RARB: variants seen among roughly 807,000 people sequenced by gnomAD.
The protein encoded by RARB is retinoic acid receptor beta, also known as HBV-activated protein.
Under a neutral mutation model 51.9 loss-of-function variants are expected in RARB, and 17 were observed. That is an observed-to-expected ratio of 0.33 (90% CI 0.22 to 0.49). The LOEUF (loss-of-function observed/expected upper bound fraction) is 0.49, where lower values mean the gene tolerates loss of function less well. RARB is among the 20% of genes least tolerant of loss of function. The pLI is 0.99. For missense variants in RARB, 369 were observed against 550.8 expected, an observed-to-expected ratio of 0.67 and a Z score of 3.30; for synonymous variants, 215 against 195.4, an observed-to-expected ratio of 1.10 and a Z score of -0.84.
intron 2 of RARB, among the ~76,000 whole-genome samples, chr3:24,871,910 C>T (rs535064250): frequency 5.5e-4 from 84 of 152,152 alleles, no homozygotes; most frequent in Middle Eastern, 3.4e-3. Context: ...AAAATAGATG[C>T]GGAATCTTAT....
intron 3 of RARB, among the ~76,000 whole-genome samples, chr3:25,084,513 A>C (rs1699069637): frequency 7.1e-6 from 1 of 140,098 alleles, no homozygotes; most frequent in African/African-American, 2.7e-5. Context: ...TGATATCATC[A>C]ATACGTATTG....
intron 5 of RARB, among the ~76,000 whole-genome samples, chr3:25,376,234 A>G (rs1285965013): frequency 6.6e-6 from 1 of 152,144 alleles, no homozygotes; most frequent in Non-Finnish European, 1.5e-5. Context: ...CTTACCCACC[A>G]TGCTCTTACC....
chr3:25,027,903 TA>T (rs1559439385), intron 2 of RARB, among the ~76,000 whole-genome samples: 1 of 152,094 alleles, frequency 6.6e-6, no homozygotes, highest in Non-Finnish European at 1.5e-5. Context: ...ACAGGTCATT[TA>T]AAAAGAAAAA....
chr3:25,554,177 G>A (rs973711417), intron 3 of RARB, among the ~76,000 whole-genome samples: 5 of 150,148 alleles, frequency 3.3e-5, no homozygotes, highest in African/African-American at 1.2e-4. Context: ...TAGGGCAGGG[G>A]AACTCACTGC....
intron 2 of RARB, among the ~76,000 whole-genome samples, chr3:24,987,438 A>G (rs1696817929): frequency 6.6e-6 from 1 of 152,238 alleles, no homozygotes. Context: ...TGATGACCCC[A>G]GAGGGGTTGG....
At chr3:25,249,988 T>G (rs1176216005) in intron 5 of RARB, among the ~76,000 whole-genome samples, 1 of 79,292 alleles carries the variant, frequency 1.3e-5, no homozygotes, top group African/African-American at 9.2e-5. Context: ...GCTCGGTGGG[T>G]GGGAAGATCT....
At chr3:25,475,957 G>A (rs1378775448) in intron 2 of RARB, among the ~76,000 whole-genome samples, 4 of 152,294 alleles carry the variant, frequency 2.6e-5, no homozygotes, top group Admixed American at 2.6e-4. Context: ...CTCACACCAT[G>A]TGTCCATTTT....
intron 5 of RARB, among the ~76,000 whole-genome samples, chr3:25,197,909 C>G (rs963537642): frequency 1.3e-5 from 2 of 152,018 alleles, no homozygotes; most frequent in Admixed American, 6.6e-5. Flanking sequence ...CAATGACATT[C>G]TTCACAGAAA....
intron 1 of RARB, among the ~76,000 whole-genome samples, chr3:25,448,301 T>C (rs950177746): frequency 2.0e-5 from 3 of 152,200 alleles, no homozygotes; most frequent in Non-Finnish European, 4.4e-5. Context: ...TTTGAATTAT[T>C]TTTTCAAGAT....
chr3:25,281,168 G>A (rs1238489622), intron 5 of RARB, among the ~76,000 whole-genome samples: 1 of 152,198 alleles, frequency 6.6e-6, no homozygotes, highest in African/African-American at 2.4e-5. Context: ...ATTGGTATGT[G>A]AGGATGTGTG....
chr3:24,920,312 T>G (rs528831010), intron 2 of RARB, among the ~76,000 whole-genome samples: 3 of 152,308 alleles, frequency 2.0e-5, no homozygotes, highest in Non-Finnish European at 4.4e-5. Flanking sequence ...AAATATTTCC[T>G]TAATATATAA....
intron 1 of RARB, among the ~76,000 whole-genome samples, chr3:24,852,958 C>G (rs1043544193): frequency 1.5e-4 from 23 of 152,198 alleles, no homozygotes; most frequent in Non-Finnish European, 3.1e-4. Context: ...AACCTTTGAA[C>G]TGTACATTTT....
At chr3:24,899,579 T>C (rs922940448) in intron 2 of RARB, among the ~76,000 whole-genome samples, 44 of 152,156 alleles carry the variant, frequency 2.9e-4, no homozygotes, top group African/African-American at 2.4e-5. Context: ...CCAGAGGAGT[T>C]TCTGTCGGCC....
chr3:25,585,031 T>C (rs917512471), intron 5 of RARB, among the ~76,000 whole-genome samples: 7 of 151,870 alleles, frequency 4.6e-5, no homozygotes, highest in Admixed American at 4.6e-4. Flanking sequence ...CTGTTGAATG[T>C]GGGCTCTGAA....
chr3:24,960,276 T>C (rs1696109556), intron 2 of RARB, among the ~76,000 whole-genome samples: 1 of 149,950 alleles, frequency 6.7e-6, no homozygotes, highest in African/African-American at 2.5e-5. Flanking sequence ...ATGTATCTTA[T>C]GAAATTGGTG....
At chr3:25,183,865 A>T (rs1700916709) in intron 5 of RARB, among the ~76,000 whole-genome samples, 1 of 152,040 alleles carries the variant, frequency 6.6e-6, no homozygotes, top group Admixed American at 6.6e-5. Flanking sequence ...TAATTTTGTT[A>T]TGTAATTAGT....
chr3:25,358,521 A>G (rs1705823040), intron 5 of RARB, among the ~76,000 whole-genome samples: 1 of 152,118 alleles, frequency 6.6e-6, no homozygotes, highest in African/African-American at 2.4e-5. Context: ...TACTATGTTG[A>G]ATAGGAGTGG....
intron 4 of RARB, among the ~76,000 whole-genome samples, chr3:25,158,845 G>A (rs1388109652): frequency 1.3e-5 from 2 of 152,170 alleles, no homozygotes; most frequent in Non-Finnish European, 2.9e-5. Context: ...AGGTTCTGAG[G>A]TTTTCTAGGT....
chr3:25,410,708 G>A (rs1707538910), intron 5 of RARB, among the ~76,000 whole-genome samples: 1 of 152,098 alleles, frequency 6.6e-6, no homozygotes, highest in African/African-American at 2.4e-5. Flanking sequence ...CTAATTTTTG[G>A]TATCTCTATG....
Sources: gnomAD v4.1 joint callset for allele counts (sites outside exome capture counted in the v4.1 genomes callset) on GRCh38, gnomAD v4.1.1 for gene constraint, MANE v1.5 for transcripts, NCBI Gene and HGNC (gene_info 2026-07-23, HGNC 2026-07-21) for gene names.